Variants in VWA8 observed in about 807,000 individuals in gnomAD.
VWA8 encodes the protein von Willebrand factor A domain-containing protein 8.
A neutral mutation model predicts 241.5 loss-of-function variants in VWA8; 221 were observed. The ratio of observed to expected loss-of-function variants is 0.91; its 90% CI spans 0.82 to 1.02. The LOEUF (loss-of-function observed/expected upper bound fraction) is 1.02, where lower values mean the gene tolerates loss of function less well. Ranked by LOEUF, VWA8 falls within the 50% of genes least tolerant of loss-of-function variation. The pLI is 0.00. For synonymous variants in VWA8, 852 were observed against 827.1 expected (o/e 1.03, Z -0.52); for missense variants, 2,322 against 2,328.7 (o/e 1.00, Z 0.06).
intron 26 of VWA8, among the ~76,000 whole-genome samples, chr13:41,707,478 C>T (rs895922479): frequency 4.1e-4 from 63 of 152,194 alleles, no homozygotes; most frequent in African/African-American, 1.5e-3. Context: ...ATAATGGAAC[C>T]CTTCAGGGCT....
intron 21 of VWA8, among the ~76,000 whole-genome samples, chr13:41,739,487 G>A (rs193260103): frequency 5.9e-4 from 90 of 151,966 alleles, no homozygotes; most frequent in African/African-American, 2.1e-3. Flanking sequence ...AATATTATTT[G>A]ATATACTCTA....
At chr13:41,648,104 A>C (rs1314354264) in intron 37 of VWA8, among the ~76,000 whole-genome samples, 2 of 152,242 alleles carry the variant, frequency 1.3e-5, no homozygotes, top group Non-Finnish European at 2.9e-5. Context: ...CGTAGTTAGC[A>C]GAGGAGAGCT....
chr13:41,830,601 C>T lies in VWA8; in HGVS notation c.1628G>A (p.Arg543Lys). The change falls in exon 14 of 45, where the codon AGG becomes AAG. Residue 543 changes from arginine to lysine, a missense_variant. Physicochemically the swap from Arg to Lys is conservative, Grantham distance 26 (BLOSUM62 2). Transcript: ENST00000379310. ...CATATACCTGTCTTCTCTCAGCAGC[C>T]TAGAACCATCATAGAGGCTTAGCTC... ...DRELSLYDGS[R>K]LLREDRYMRL... The T allele has an allele frequency of 6.2e-7, 1 of 1,613,826 alleles. No individual in the cohort carries two copies.
At chr13:41,915,156 C>T (rs932375904) in intron 2 of VWA8, among the ~76,000 whole-genome samples, 1 of 152,198 alleles carries the variant, frequency 6.6e-6, no homozygotes, top group African/African-American at 2.4e-5. Flanking sequence ...CAGCAGTGTA[C>T]TTTCTTAAGT....
At chr13:41,769,686 ACT>A (rs756969443) in intron 20 of VWA8, among the ~76,000 whole-genome samples, 10 of 152,032 alleles carry the variant, frequency 6.6e-5, no homozygotes, top group Non-Finnish European at 1.3e-4. Context: ...CTAATACCTA[ACT>A]CTGACATTAA....
chr13:41,630,581 G>A (rs1176078233), intron 37 of VWA8, among the ~76,000 whole-genome samples: 1 of 151,856 alleles, frequency 6.6e-6, no homozygotes, highest in East Asian at 1.9e-4. Flanking sequence ...CATCCCTATA[G>A]GCATCTTTAT....
At chr13:41,606,005 C>T (rs1434388029) in intron 39 of VWA8, among the ~76,000 whole-genome samples, 1 of 152,112 alleles carries the variant, frequency 6.6e-6, no homozygotes, top group East Asian at 1.9e-4. Flanking sequence ...GCAAGTGCTT[C>T]TCTCCCACTT....
intron 43 of VWA8, among the ~76,000 whole-genome samples, chr13:41,572,796 C>CAAAAAAAAAA (rs2044316708): frequency 1.4e-5 from 1 of 70,246 alleles, no homozygotes; most frequent in East Asian, 5.8e-4. Context: ...TCAATAAATA[C>CAAAAAAAAAA]TAAAAAAAAA....
intron 21 of VWA8, among the ~76,000 whole-genome samples, chr13:41,744,528 A>G (rs1372661359): frequency 6.6e-6 from 1 of 152,186 alleles, no homozygotes; most frequent in Non-Finnish European, 1.5e-5. Flanking sequence ...CTCATTTGTC[A>G]CTGTTGCCAT....
chr13:41,779,817 G>C (rs1004272372), intron 19 of VWA8, among the ~76,000 whole-genome samples: 5 of 152,136 alleles, frequency 3.3e-5, no homozygotes, highest in African/African-American at 1.2e-4. Context: ...AACTATATCT[G>C]TGTTCTTCTT....
At chr13:41,635,071 T>C (rs1230438139) in intron 37 of VWA8, among the ~76,000 whole-genome samples, 4 of 152,198 alleles carry the variant, frequency 2.6e-5, no homozygotes, top group Non-Finnish European at 4.4e-5. Context: ...GGGGGACAGT[T>C]GGCAGAAATG....
At chr13:41,710,123 C>A (rs1337036539) in intron 26 of VWA8, among the ~76,000 whole-genome samples, 1 of 152,184 alleles carries the variant, frequency 6.6e-6, no homozygotes, top group Non-Finnish European at 1.5e-5. Context: ...TTTTGACCTA[C>A]TTGTTTCTCA....
At chr13:41,657,791 G>A (rs936802727) in intron 37 of VWA8, among the ~76,000 whole-genome samples, 1 of 152,242 alleles carries the variant, frequency 6.6e-6, no homozygotes, top group Non-Finnish European at 1.5e-5. Context: ...GCCCGGCCAA[G>A]TTATTCTTTT....
At chr13:41,656,525 C>G (rs2044907195) in intron 37 of VWA8, among the ~76,000 whole-genome samples, 1 of 152,170 alleles carries the variant, frequency 6.6e-6, no homozygotes, top group Non-Finnish European at 1.5e-5. Flanking sequence ...ACCCCAGCAA[C>G]TGGAAAGTCT....
At chr13:41,680,460 A>C (rs1376964578) in intron 35 of VWA8, among the ~76,000 whole-genome samples, 2 of 152,144 alleles carry the variant, frequency 1.3e-5, no homozygotes, top group African/African-American at 4.8e-5. Flanking sequence ...CCCATGCCAG[A>C]CATTGTCCTA....
intron 12 of VWA8, among the ~76,000 whole-genome samples, chr13:41,863,433 G>A (rs372060141): frequency 0.35 from 23,042 of 66,350 alleles, 3,860 homozygotes; most frequent in Non-Finnish European, 0.43. Context: ...GTGTGTGTGT[G>A]TATATATATA....
intron 17 of VWA8, among the ~76,000 whole-genome samples, chr13:41,789,962 T>G (rs17062559): frequency 0.013 from 2,010 of 152,280 alleles, 24 homozygotes; most frequent in Middle Eastern, 0.051. Context: ...CATTGAGACA[T>G]CCAAAGTATG....
intron 12 of VWA8, among the ~76,000 whole-genome samples, chr13:41,849,026 T>C (rs1406370182): frequency 6.6e-6 from 1 of 152,240 alleles, no homozygotes; most frequent in Non-Finnish European, 1.5e-5. Flanking sequence ...CCTGGAGGCA[T>C]GAGTTGAGCT....
intron 37 of VWA8, among the ~76,000 whole-genome samples, chr13:41,651,312 T>C (rs1459747339): frequency 6.6e-6 from 1 of 152,208 alleles, no homozygotes; most frequent in East Asian, 1.9e-4. Flanking sequence ...TATCTGTAAA[T>C]TGCTTTGGAC....
Sources: allele counts gnomAD v4.1 joint callset (sites outside exome capture counted in the v4.1 genomes callset), GRCh38; gene constraint gnomAD v4.1.1; transcripts MANE v1.5; gene names NCBI Gene and HGNC (gene_info 2026-07-23, HGNC 2026-07-21).